The following SLN variants were observed in gnomAD, a reference collection of about 807,000 sequenced individuals.
SLN encodes the protein sarcolipin.
For missense variants in SLN, 34 were observed against 37.4 expected (o/e 0.91, Z 0.24); for synonymous variants, 19 against 14.4 (o/e 1.32, Z -0.72).
chr11:107,711,541 T>G (rs1357592506), intron 1 of SLN, among the ~76,000 whole-genome samples: 1 of 152,146 alleles, frequency 6.6e-6, no homozygotes, highest in Non-Finnish European at 1.5e-5. Flanking sequence ...TTTTTCTGCT[T>G]TTAACCAATA....
At chr11:107,709,994 A>G (rs1867195955) in intron 1 of SLN, among the ~76,000 whole-genome samples, 1 of 152,224 alleles carries the variant, frequency 6.6e-6, no homozygotes, top group African/African-American at 2.4e-5. Context: ...ATCTTTACAA[A>G]GATTTGCATG....
At chr11:107,708,032 A>G in intron 1 of SLN, 27 bp from the exon 2 acceptor site, 1 of 794,072 alleles carries the variant, frequency 1.3e-6, no homozygotes, top group South Asian at 1.4e-5. Context: ...AAGAAAACAC[A>G]AGGAGATTAA....
intron 1 of SLN, among the ~76,000 whole-genome samples, chr11:107,711,396 G>C (rs1414062717): frequency 6.6e-6 from 1 of 152,176 alleles, no homozygotes; most frequent in Non-Finnish European, 1.5e-5. Flanking sequence ...GTTAAGGTGA[G>C]AATTTCTAGT....
chr11:107,708,034 G>A (rs1215275352), intron 1 of SLN, 29 bp from the exon 2 acceptor site: 6 of 772,064 alleles, frequency 7.8e-6, no homozygotes, highest in Admixed American at 1.9e-5. Flanking sequence ...GAAAACACAA[G>A]GAGATTAATG....
chr11:107,709,815 C>T (rs1398688578), intron 1 of SLN, among the ~76,000 whole-genome samples: 1 of 152,006 alleles, frequency 6.6e-6, no homozygotes, highest in East Asian at 1.9e-4. Flanking sequence ...TAGTAAATTG[C>T]CAATGAAAAC....
Position 107,707,940 on chromosome 11 carries a change from G to A in SLN, c.-10C>T, listed in dbSNP as rs532124620. ...GGGTGTTTATCCCCATTTTCACAGC[G>A]GCTTGGTGAGAACTGCAGGCAGATT... On this transcript the variant is annotated 5_prime_UTR_variant, in exon 2 of 2. Coordinates refer to ENST00000305991, the MANE Select transcript of SLN (RefSeq NM_003063.3). 3.2e-5 allele frequency: 52 copies of A among 1,609,080 alleles called. 1 individual carries two copies. The highest frequency in any genetic ancestry group is 2.9e-4 in the East Asian group (13 of 44,846).
chr11:107,711,800 A>G (rs1026204906), intron 1 of SLN, among the ~76,000 whole-genome samples, 163 bp downstream of exon 1: 1 of 152,198 alleles, frequency 6.6e-6, no homozygotes, highest in South Asian at 2.1e-4. Flanking sequence ...AGAAAAAAAA[A>G]GGAAAACAGA....
intron 1 of SLN, among the ~76,000 whole-genome samples, chr11:107,710,905 T>C (rs1340236134): frequency 6.6e-6 from 1 of 152,214 alleles, no homozygotes; most frequent in African/African-American, 2.4e-5. Context: ...AAAGAAAATA[T>C]ATGAACTATA....
rs143715876 is a variant in SLN, at chr11:107,711,628, G to T, written c.-76+335C>A. Among the ~76,000 whole-genome samples the T allele has an allele frequency of 2.7e-3, 411 of 152,168 alleles. 5 individuals are homozygous for T. Among genetic ancestry groups the T allele is most frequent in the African/African-American group, 9.3e-3 (387 of 41,512 alleles). On this transcript the variant is annotated intron_variant, in intron 1 of 1. Transcript: ENST00000305991. ...TATGATCCAGTGATTGCAAATGGAT[G>T]AACTAAAACCCAAAAAGCTCTGAAT...
Position 107,709,156 on chromosome 11 carries a change from A to C in SLN, c.-75-1151T>G, listed in dbSNP as rs150416261. Among the ~76,000 whole-genome samples the C allele has an allele frequency of 2.7e-3, 405 of 152,388 alleles. 2 individuals are homozygous for C. Among genetic ancestry groups the C allele is most frequent in the African/African-American group, 9.3e-3 (388 of 41,598 alleles). On this transcript the variant is annotated intron_variant, in intron 1 of 1. Coordinates refer to ENST00000305991, the MANE Select transcript of SLN (RefSeq NM_003063.3). ...CATAGTATGTACAGATTGTCCATAC[A>C]GGAAATCATACTTTGAGAACATGTG... is the stretch of plus-strand genomic sequence containing the variant.
At chr11:107,709,793 G>A (rs1443901014) in intron 1 of SLN, among the ~76,000 whole-genome samples, 1 of 152,064 alleles carries the variant, frequency 6.6e-6, no homozygotes, top group Non-Finnish European at 1.5e-5. Flanking sequence ...TTAGACCTCA[G>A]CATGAAGGAA....
Position 107,707,984 on chromosome 11 carries a change from A to C in SLN, c.-54T>G. 2 of 1,270,808 alleles carry C rather than the reference A, an allele frequency of 1.6e-6. No homozygotes were observed. The highest frequency in any genetic ancestry group is 2.3e-6 in the Non-Finnish European group (2 of 866,522). The allele number at this position is 1,270,808 out of a possible 1,614,324, so 78.7% of individuals were successfully genotyped here. A position where few individuals can be genotyped will look rare whatever the true frequency, so the allele number is the denominator to read the frequency against. On this transcript the variant is annotated 5_prime_UTR_variant, in exon 2 of 2. Transcript: ENST00000305991. ...GCAGATTTCTGAGGGCACACCAAGGACCTCTGGCTTCTCCTCACCTCCTGA... is the reference window on the plus strand; with the variant it reads ...GCAGATTTCTGAGGGCACACCAAGGCCCTCTGGCTTCTCCTCACCTCCTGA...
intron 1 of SLN, among the ~76,000 whole-genome samples, chr11:107,711,346 T>C (rs1366279652): frequency 6.6e-6 from 1 of 152,224 alleles, no homozygotes; most frequent in Non-Finnish European, 1.5e-5. Flanking sequence ...CCTTGAATAT[T>C]TGTTGTTTTA....
At chr11:107,711,559 T>C (rs1401258731) in intron 1 of SLN, among the ~76,000 whole-genome samples, 2 of 152,186 alleles carry the variant, frequency 1.3e-5, no homozygotes, top group East Asian at 3.8e-4. Context: ...ATAAAGACAC[T>C]TTGGGTTTCA....
chr11:107,711,295 T>A (rs561897700), intron 1 of SLN, among the ~76,000 whole-genome samples: 2 of 152,336 alleles, frequency 1.3e-5, no homozygotes, highest in South Asian at 4.1e-4. Context: ...TCTTTCTTTC[T>A]TGGGATTTAC....
chr11:107,711,801 G>A (rs1867213729), intron 1 of SLN, among the ~76,000 whole-genome samples, 162 bp downstream of exon 1: 1 of 151,918 alleles, frequency 6.6e-6, no homozygotes, highest in South Asian at 2.1e-4. Flanking sequence ...GAAAAAAAAA[G>A]GAAAACAGAA....
intron 1 of SLN, 27 bp from the exon 2 acceptor site, chr11:107,708,032 AAGG>A (rs1867174332): frequency 2.5e-6 from 2 of 794,074 alleles, no homozygotes; most frequent in South Asian, 2.9e-5. Context: ...AAGAAAACAC[AAGG>A]AGATTAATGG....
intron 1 of SLN, among the ~76,000 whole-genome samples, chr11:107,708,919 C>T (rs1462516013): frequency 2.0e-5 from 3 of 152,190 alleles, no homozygotes; most frequent in African/African-American, 7.2e-5. Flanking sequence ...AAAGTACTTT[C>T]AACAGCTGCA....
intron 1 of SLN, among the ~76,000 whole-genome samples, chr11:107,710,534 G>A (rs936294187): frequency 6.6e-6 from 1 of 152,174 alleles, no homozygotes; most frequent in Non-Finnish European, 1.5e-5. Flanking sequence ...CAGATAACAA[G>A]TTAGAGGCAA....
Sources: gnomAD v4.1 joint callset for allele counts (sites outside exome capture counted in the v4.1 genomes callset) on GRCh38, gnomAD v4.1.1 for gene constraint, MANE v1.5 for transcripts, NCBI Gene and HGNC (gene_info 2026-07-23, HGNC 2026-07-21) for gene names.